Variants in HS2ST1 observed in about 807,000 individuals in gnomAD.
HS2ST1 encodes 2-O-sulfotransferase.
Under a neutral mutation model 42.9 loss-of-function variants are expected in HS2ST1, and 18 were observed. The observed-to-expected ratio is 0.42, with a 90% CI of 0.29 to 0.62. HS2ST1 has a LOEUF of 0.62. Among genes scored for constraint, HS2ST1 ranks in the 20% least tolerant of loss-of-function variants. The pLI, the probability that HS2ST1 is intolerant of heterozygous loss-of-function variation, is 0.21. For synonymous variants in HS2ST1, 146 were observed against 152.9 expected (o/e 0.95, Z 0.33); for missense variants, 334 against 433.8 (o/e 0.77, Z 2.04).
chr1:86,949,175 C>G (rs1261688380), intron 1 of HS2ST1, among the ~76,000 whole-genome samples: 1 of 152,134 alleles, frequency 6.6e-6, no homozygotes, highest in African/African-American at 2.4e-5. Flanking sequence ...ATGCTGTGAT[C>G]TCAGCTCACT....
At chr1:86,987,111 C>T (rs1648810461) in intron 1 of HS2ST1, among the ~76,000 whole-genome samples, 2 of 146,728 alleles carry the variant, frequency 1.4e-5, no homozygotes, top group African/African-American at 5.1e-5. Flanking sequence ...ACTCTATTGC[C>T]CAGGCTGGAG....
intron 1 of HS2ST1, among the ~76,000 whole-genome samples, chr1:87,024,844 A>G (rs1650044762): frequency 6.6e-6 from 1 of 152,224 alleles, no homozygotes. Context: ...AGTAAGAAAC[A>G]TTTATACATC....
At chr1:86,923,888 C>T (rs945408259) in intron 1 of HS2ST1, among the ~76,000 whole-genome samples, 1 of 152,134 alleles carries the variant, frequency 6.6e-6, no homozygotes, top group African/African-American at 2.4e-5. Flanking sequence ...CCTCCCAAAT[C>T]TCATGTCCTC....
intron 1 of HS2ST1, among the ~76,000 whole-genome samples, chr1:87,036,668 A>G (rs1468138237): frequency 1.3e-5 from 2 of 152,170 alleles, no homozygotes; most frequent in African/African-American, 4.8e-5. Context: ...CCAATTTTGT[A>G]GAATTTTATT....
At chr1:86,960,951 C>T (rs1647823880) in intron 1 of HS2ST1, among the ~76,000 whole-genome samples, 1 of 152,258 alleles carries the variant, frequency 6.6e-6, no homozygotes, top group East Asian at 1.9e-4. Flanking sequence ...TTTAAGTCCA[C>T]ATAAAAATCT....
chr1:86,929,334 T>A (rs1660492418), intron 1 of HS2ST1, among the ~76,000 whole-genome samples: 1 of 151,924 alleles, frequency 6.6e-6, no homozygotes, highest in Non-Finnish European at 1.5e-5. Context: ...ACTTGTCTGA[T>A]AAGTCCTCAG....
At chr1:87,095,546 AT>A (rs1324734097) in intron 4 of HS2ST1, among the ~76,000 whole-genome samples, 1 of 152,178 alleles carries the variant, frequency 6.6e-6, no homozygotes, top group Non-Finnish European at 1.5e-5. Context: ...AAATTTGCAT[AT>A]TTTAGAACTA....
intron 1 of HS2ST1, among the ~76,000 whole-genome samples, chr1:86,955,382 C>T (rs1222308010): frequency 6.6e-6 from 1 of 152,052 alleles, no homozygotes; most frequent in African/African-American, 2.4e-5. Flanking sequence ...ATTGCGCTTG[C>T]GAGGAGGGAT....
At chr1:87,087,813 A>G (rs1302573871) in intron 3 of HS2ST1, among the ~76,000 whole-genome samples, 1 of 152,056 alleles carries the variant, frequency 6.6e-6, no homozygotes, top group Non-Finnish European at 1.5e-5. Flanking sequence ...TTGTACTACT[A>G]GCTCTTTCTA....
intron 1 of HS2ST1, among the ~76,000 whole-genome samples, chr1:87,033,795 C>G (rs147242308): frequency 6.6e-6 from 1 of 152,196 alleles, no homozygotes; most frequent in African/African-American, 2.4e-5. Flanking sequence ...CCACCAGCCT[C>G]GGCCTCCCAG....
intron 1 of HS2ST1, among the ~76,000 whole-genome samples, chr1:86,963,312 C>T (rs958047966): frequency 2.6e-5 from 4 of 152,062 alleles, no homozygotes; most frequent in Admixed American, 6.5e-5. Flanking sequence ...TGCGGCCTAC[C>T]GCAGTGTTTG....
At chr1:87,009,691 T>C (rs1262408668) in intron 1 of HS2ST1, among the ~76,000 whole-genome samples, 1 of 152,100 alleles carries the variant, frequency 6.6e-6, no homozygotes, top group Non-Finnish European at 1.5e-5. Context: ...TAACCTAGGC[T>C]AAAGGAGAGA....
At chr1:87,023,523 AAATAT>A (rs1357931438) in intron 1 of HS2ST1, among the ~76,000 whole-genome samples, 2 of 152,154 alleles carry the variant, frequency 1.3e-5, no homozygotes, top group East Asian at 1.9e-4. Flanking sequence ...ACTGGCACAA[AAATAT>A]AATATATCCT....
intron 1 of HS2ST1, among the ~76,000 whole-genome samples, chr1:87,016,678 G>C (rs1233694842): frequency 6.6e-6 from 1 of 152,142 alleles, no homozygotes; most frequent in Non-Finnish European, 1.5e-5. Flanking sequence ...CCAAGTTGCA[G>C]CAGCTATACA....
chr1:86,968,570 G>T (rs891513263), intron 1 of HS2ST1, among the ~76,000 whole-genome samples: 3 of 151,500 alleles, frequency 2.0e-5, no homozygotes, highest in Non-Finnish European at 4.4e-5. Context: ...AGGCCCAGCT[G>T]TTTTTTTGAC....
chr1:86,938,809 A>C (rs1660706823), intron 1 of HS2ST1, among the ~76,000 whole-genome samples: 1 of 152,178 alleles, frequency 6.6e-6, no homozygotes, highest in African/African-American at 2.4e-5. Flanking sequence ...GTGGTGTTGG[A>C]TGGATTAATT....
At chr1:87,097,255 C>A (rs1652089243) in intron 4 of HS2ST1, among the ~76,000 whole-genome samples, 1 of 152,172 alleles carries the variant, frequency 6.6e-6, no homozygotes, top group African/African-American at 2.4e-5. Flanking sequence ...CAGAACATAA[C>A]ACATAACACA....
intron 1 of HS2ST1, among the ~76,000 whole-genome samples, chr1:87,013,891 A>C (rs1190024069): frequency 6.6e-6 from 1 of 152,182 alleles, no homozygotes; most frequent in Non-Finnish European, 1.5e-5. Flanking sequence ...CAGGGGCACA[A>C]TGCCACCAGT....
intron 1 of HS2ST1, among the ~76,000 whole-genome samples, chr1:86,984,039 C>CAA (rs36109552): frequency 1.2e-3 from 167 of 144,844 alleles, no homozygotes; most frequent in East Asian, 4.7e-3. Context: ...GGCTCCATCT[C>CAA]AAAAAAAAAA....
Sources: allele counts gnomAD v4.1 joint callset (sites outside exome capture counted in the v4.1 genomes callset), GRCh38; gene constraint gnomAD v4.1.1; transcripts MANE v1.5; gene names NCBI Gene and HGNC (gene_info 2026-07-23, HGNC 2026-07-21).